Variants in BCL2L11 observed in about 807,000 individuals in gnomAD.
BCL2L11 encodes bcl-2-like protein 11.
In BCL2L11, 15 loss-of-function variants were observed where a neutral mutation model predicts 20.6. That is an observed-to-expected ratio of 0.73 (90% CI 0.49 to 1.12). The LOEUF is 1.12. Among genes scored for constraint, BCL2L11 ranks in the 50% most tolerant of loss-of-function variants. BCL2L11 has a pLI of 0.00. For synonymous variants in BCL2L11, 108 were observed against 92.8 expected (o/e 1.16, Z -0.94); for missense variants, 292 against 260.9 (o/e 1.12, Z -0.82).
intron 3 of BCL2L11, among the ~76,000 whole-genome samples, chr2:111,163,861 CTTTTTTT>C (rs10547953): frequency 9.5e-6 from 1 of 104,720 alleles, no homozygotes; most frequent in African/African-American, 3.5e-5. Context: ...TTTTTGAGTG[CTTTTTTT>C]TTTTTTTTTT....
At chr2:111,136,179 G>A (rs182657664) in intron 2 of BCL2L11, among the ~76,000 whole-genome samples, 24 of 152,312 alleles carry the variant, frequency 1.6e-4, no homozygotes, top group East Asian at 1.2e-3. Context: ...GTCCCTTGGC[G>A]ATGGAGAACA....
At chr2:111,163,683 G>A (rs965124822) in intron 3 of BCL2L11, among the ~76,000 whole-genome samples, 3 of 152,064 alleles carry the variant, frequency 2.0e-5, no homozygotes, top group Admixed American at 1.3e-4. Context: ...GCATCACTGC[G>A]AGACTTTATT....
intron 3 of BCL2L11, chr2:111,154,003 G>A (rs889066004): frequency 7.7e-7 from 1 of 1,299,446 alleles, no homozygotes; most frequent in Non-Finnish European, 9.9e-7. Flanking sequence ...CCTCTATTCA[G>A]TCGGAGTTTT....
intron 1 of BCL2L11, chr2:111,123,486 G>A: frequency 1.0e-6 from 1 of 985,462 alleles, no homozygotes. Context: ...GCATGTGTGT[G>A]TGCACCAGTT....
chr2:111,133,258 G>A (rs1311019159), intron 2 of BCL2L11, among the ~76,000 whole-genome samples: 1 of 152,218 alleles, frequency 6.6e-6, no homozygotes, highest in Non-Finnish European at 1.5e-5. Flanking sequence ...AGCGTGCTGT[G>A]CATTCACCTT....
intron 2 of BCL2L11, chr2:111,146,168 A>G: frequency 1.0e-5 from 10 of 985,330 alleles, no homozygotes; most frequent in Non-Finnish European, 1.2e-5. Context: ...GTAAAAATGC[A>G]GCTCATCAGA....
At chr2:111,138,563 A>G (rs1311204942) in intron 2 of BCL2L11, among the ~76,000 whole-genome samples, 1 of 152,220 alleles carries the variant, frequency 6.6e-6, no homozygotes, top group Admixed American at 6.5e-5. Flanking sequence ...TGGTCCCATC[A>G]GGACCATCAC....
At chr2:111,161,022 C>T (rs2078482602) in intron 3 of BCL2L11, among the ~76,000 whole-genome samples, 1 of 152,206 alleles carries the variant, frequency 6.6e-6, no homozygotes, top group African/African-American at 2.4e-5. Context: ...GCCTCCAGAC[C>T]TGTAGATGCT....
At chr2:111,144,214 C>G (rs2076211007) in intron 2 of BCL2L11, among the ~76,000 whole-genome samples, 2 of 152,152 alleles carry the variant, frequency 1.3e-5, no homozygotes, top group African/African-American at 2.4e-5. Context: ...CAAATGTGTT[C>G]CAGGGAGACA....
rs1047784916 is a variant in BCL2L11 at position 111,166,448 on chromosome 2, G to C, written c.*2217G>C. On this transcript the variant is annotated 3_prime_UTR_variant, in exon 4 of 4. Coordinates refer to ENST00000393256, the MANE Select transcript of BCL2L11 (RefSeq NM_138621.5). The stretch of plus-strand genomic sequence containing the variant: ...TTGTAGGAGTATTAAAGACCAGGCT[G>C]TTGGCACCAGAACTTAAAGCGATGA... 2.0e-5 allele frequency: 3 copies of C among 152,684 alleles called. No individual in the cohort carries two copies. The highest frequency in any genetic ancestry group is 2.9e-5 in the Non-Finnish European group (2 of 68,050). 9.5% of individuals were successfully genotyped at this position (152,684 alleles called of 1,614,324 possible).
intron 2 of BCL2L11, among the ~76,000 whole-genome samples, chr2:111,147,346 T>TCTCTCACACACACACA (rs760779894): frequency 7.3e-6 from 1 of 137,332 alleles, no homozygotes; most frequent in African/African-American, 2.9e-5. Context: ...TCTCTCTCTC[T>TCTCTCACACACACACA]CACACACACA....
intron 2 of BCL2L11, among the ~76,000 whole-genome samples, chr2:111,149,668 C>A (rs1301848285): frequency 6.6e-6 from 1 of 152,100 alleles, no homozygotes; most frequent in African/African-American, 2.4e-5. Flanking sequence ...GATTATTTTA[C>A]TGAAAAACTA....
chr2:111,127,614 CAAAT>C (rs2072954573), intron 2 of BCL2L11, among the ~76,000 whole-genome samples: 2 of 151,996 alleles, frequency 1.3e-5, no homozygotes, highest in Non-Finnish European at 2.9e-5. Context: ...GCCTTTCAGA[CAAAT>C]AAAGTTGAAG....
chr2:111,145,209 C>T (rs551254177), intron 2 of BCL2L11, among the ~76,000 whole-genome samples: 11 of 152,292 alleles, frequency 7.2e-5, no homozygotes, highest in Middle Eastern at 3.4e-3. Flanking sequence ...AGCTGCCCCT[C>T]GGAAATGAGG....
At chr2:111,129,600 T>G (rs1268697197) in intron 2 of BCL2L11, among the ~76,000 whole-genome samples, 2 of 152,238 alleles carry the variant, frequency 1.3e-5, no homozygotes, top group East Asian at 3.8e-4. Flanking sequence ...ATCCATCTAC[T>G]GTATTGAGAT....
At chr2:111,158,218 G>C (rs766896815) in intron 3 of BCL2L11, among the ~76,000 whole-genome samples, 3 of 152,180 alleles carry the variant, frequency 2.0e-5, no homozygotes, top group South Asian at 2.1e-4. Flanking sequence ...TGACTTCTGT[G>C]TCACTTAGTT....
At chr2:111,157,555 C>T (rs190801165) in intron 3 of BCL2L11, among the ~76,000 whole-genome samples, 2 of 152,168 alleles carry the variant, frequency 1.3e-5, no homozygotes, top group African/African-American at 4.8e-5. Flanking sequence ...AGAACAGTGA[C>T]GATTTCAGAA....
At chr2:111,153,990 G>GCC in intron 3 of BCL2L11, 1 of 1,361,982 alleles carries the variant, frequency 7.3e-7, no homozygotes, top group Non-Finnish European at 9.5e-7. Context: ...GAACGGCCTG[G>GCC]CCCCTCTATT....
rs2078935182 is a variant in BCL2L11, at chr2:111,164,579, A to C, written c.*348A>C. The C allele has an allele frequency of 1.7e-5, 3 of 176,172 alleles. No individual in the cohort carries two copies. The Admixed American group carries it at 1.8e-4, about 10-fold the overall frequency. 10.9% of individuals were successfully genotyped at this position (176,172 alleles called of 1,614,324 possible). On this transcript the variant is annotated 3_prime_UTR_variant, in exon 4 of 4. Transcript: ENST00000393256. ...ATAAGGTTTTTCAAAAAGGAAATGGAAACTTTTTAACCAATTTGTGAATAA... is the reference window on the plus strand; with the variant it reads ...ATAAGGTTTTTCAAAAAGGAAATGGCAACTTTTTAACCAATTTGTGAATAA...
Sources: allele counts gnomAD v4.1 joint callset (sites outside exome capture counted in the v4.1 genomes callset), GRCh38; gene constraint gnomAD v4.1.1; transcripts MANE v1.5; gene names NCBI Gene and HGNC (gene_info 2026-07-23, HGNC 2026-07-21).